The following TACR1 variants were observed in gnomAD, a reference collection of about 807,000 sequenced individuals.
The protein encoded by TACR1 is substance-P receptor.
In TACR1, 25 loss-of-function variants were observed where a neutral mutation model predicts 35.8. The observed-to-expected ratio is 0.70, with a 90% CI of 0.51 to 0.98. TACR1 has a LOEUF of 0.98. Ranked by LOEUF, TACR1 falls within the 50% of genes least tolerant of loss-of-function variation. The pLI is 0.00. For missense variants in TACR1, 478 were observed against 522.9 expected (o/e 0.91, Z 0.84); for synonymous variants, 195 against 206.7 (o/e 0.94, Z 0.48).
At chr2:75,133,944 C>T (rs1381341304) in intron 1 of TACR1, among the ~76,000 whole-genome samples, 8 of 152,126 alleles carry the variant, frequency 5.3e-5, no homozygotes, top group Admixed American at 4.6e-4. Context: ...ACCAAGATGG[C>T]GAAGAGACTT....
intron 3 of TACR1, 77 bp from the exon 4 acceptor site, chr2:75,051,524 C>T: frequency 6.3e-7 from 1 of 1,579,942 alleles, no homozygotes; most frequent in Non-Finnish European, 8.6e-7. Flanking sequence ...CCTCCCACGC[C>T]CTCACTGTGC....
At chr2:75,148,836 A>G (rs1005699740) in intron 1 of TACR1, among the ~76,000 whole-genome samples, 9 of 152,140 alleles carry the variant, frequency 5.9e-5, no homozygotes, top group African/African-American at 1.9e-4. Context: ...GTTTTCTTCT[A>G]GGGTTTTTAT....
chr2:75,083,124 G>A lies in TACR1; in HGVS notation c.585-29369C>T, dbSNP rs149865742. 9.1e-3 allele frequency among the ~76,000 whole-genome samples: 1,387 copies of A among 152,204 alleles called. 12 individuals are homozygous for A. Among genetic ancestry groups the A allele is most frequent in the African/African-American group, 0.031 (1,298 of 41,528 alleles). ...TGTATAAGGTGTAAGGAAGGGATCC[G>A]GTTTCAGTTTTCTACATATGGCTAG... is the stretch of plus-strand genomic sequence containing the variant. On this transcript the variant is annotated intron_variant, in intron 2 of 4. Coordinates refer to ENST00000305249, the MANE Select transcript of TACR1 (RefSeq NM_001058.4).
At chr2:75,086,780 G>C (rs966158109) in intron 2 of TACR1, among the ~76,000 whole-genome samples, 2 of 152,178 alleles carry the variant, frequency 1.3e-5, no homozygotes, top group African/African-American at 4.8e-5. Context: ...AAAAGAGAGA[G>C]AATGTTTAAT....
intron 1 of TACR1, among the ~76,000 whole-genome samples, chr2:75,194,524 T>C (rs534761760): frequency 2.0e-5 from 3 of 152,340 alleles, no homozygotes; most frequent in East Asian, 1.9e-4. Flanking sequence ...GCAGGTCTAA[T>C]AGAGACCTGG....
chr2:75,120,884 T>C, intron 1 of TACR1, 116 bp from the exon 2 acceptor site: 1 of 850,404 alleles, frequency 1.2e-6, no homozygotes, highest in Middle Eastern at 3.7e-4. Context: ...TCCTGATGAT[T>C]TGTACAATTA....
intron 1 of TACR1, among the ~76,000 whole-genome samples, chr2:75,123,600 A>G (rs914219333): frequency 6.6e-6 from 1 of 152,216 alleles, no homozygotes; most frequent in African/African-American, 2.4e-5. Context: ...TATTACCCAC[A>G]TAAAGCCAGA....
At chr2:75,130,771 C>T (rs1459317876) in intron 1 of TACR1, among the ~76,000 whole-genome samples, 1 of 152,218 alleles carries the variant, frequency 6.6e-6, no homozygotes, top group Non-Finnish European at 1.5e-5. Context: ...GCAGCATCTA[C>T]ACCAAAAGTT....
intron 1 of TACR1, among the ~76,000 whole-genome samples, chr2:75,162,555 T>G (rs1234892975): frequency 6.6e-6 from 1 of 152,232 alleles, no homozygotes; most frequent in Non-Finnish European, 1.5e-5. Flanking sequence ...CAGCTAGAAG[T>G]GAAAAATGTA....
At chr2:75,135,929 T>C (rs1195067278) in intron 1 of TACR1, among the ~76,000 whole-genome samples, 5 of 152,222 alleles carry the variant, frequency 3.3e-5, no homozygotes, top group Admixed American at 2.6e-4. Context: ...TTTCGCATTC[T>C]GTTTCACCAT....
intron 2 of TACR1, among the ~76,000 whole-genome samples, chr2:75,112,018 G>C (rs1453952934): frequency 6.6e-6 from 1 of 151,980 alleles, no homozygotes; most frequent in Non-Finnish European, 1.5e-5. Context: ...CAAGTTGTGG[G>C]CAGCGGTAGT....
intron 1 of TACR1, among the ~76,000 whole-genome samples, chr2:75,122,819 T>G (rs1338853108): frequency 6.6e-6 from 1 of 152,212 alleles, no homozygotes; most frequent in African/African-American, 2.4e-5. Context: ...TACCCCAAAA[T>G]GGCCACGACT....
At chr2:75,120,492 GGAAA>G (rs1386398830) in intron 2 of TACR1, 78 bp downstream of exon 2, 24 of 1,304,686 alleles carry the variant, frequency 1.8e-5, no homozygotes, top group Admixed American at 1.1e-4. Context: ...AAAAGAATAT[GGAAA>G]GAAAGAAAGA....
At chr2:75,140,079 A>G (rs1674372011) in intron 1 of TACR1, among the ~76,000 whole-genome samples, 1 of 152,192 alleles carries the variant, frequency 6.6e-6, no homozygotes. Context: ...TGGGTACTGT[A>G]TGATTATCTC....
intron 2 of TACR1, among the ~76,000 whole-genome samples, chr2:75,098,734 C>T (rs1268024279): frequency 6.6e-6 from 1 of 152,088 alleles, no homozygotes; most frequent in East Asian, 1.9e-4. Flanking sequence ...ATTAGCTAAC[C>T]CAGTCTCTCC....
At chr2:75,071,119 A>T (rs72807358) in intron 2 of TACR1, among the ~76,000 whole-genome samples, 7,856 of 152,244 alleles carry the variant, frequency 0.052, 597 homozygotes, top group African/African-American at 0.16. Flanking sequence ...GGCTGAGTGG[A>T]GTAGCTGTGG....
intron 1 of TACR1, among the ~76,000 whole-genome samples, chr2:75,183,684 C>A (rs1305257957): frequency 1.3e-5 from 2 of 152,176 alleles, no homozygotes; most frequent in African/African-American, 4.8e-5. Flanking sequence ...CTTGATCACC[C>A]CAGGAAGGAG....
intron 1 of TACR1, among the ~76,000 whole-genome samples, chr2:75,153,555 A>ATGTCTCTTCCAGG (rs1674722379): frequency 1.3e-5 from 2 of 152,228 alleles, no homozygotes; most frequent in Non-Finnish European, 2.9e-5. Context: ...TCTCTTCCAG[A>ATGTCTCTTCCAGG]TCTGATGACC....
intron 2 of TACR1, among the ~76,000 whole-genome samples, chr2:75,114,093 G>A (rs1673805770): frequency 6.6e-6 from 1 of 152,130 alleles, no homozygotes; most frequent in Non-Finnish European, 1.5e-5. Flanking sequence ...GTTGGTACCT[G>A]TAGAGAATTA....
Sources: gnomAD v4.1 joint callset for allele counts (sites outside exome capture counted in the v4.1 genomes callset) on GRCh38, gnomAD v4.1.1 for gene constraint, MANE v1.5 for transcripts, NCBI Gene and HGNC (gene_info 2026-07-23, HGNC 2026-07-21) for gene names.